The following AFF1 variants were observed in gnomAD, a reference collection of about 807,000 sequenced individuals.
The protein encoded by AFF1 is ALF transcription elongation factor 1.
Under a neutral mutation model 121.7 loss-of-function variants are expected in AFF1, and 48 were observed. That is an observed-to-expected ratio of 0.39 (90% CI 0.31 to 0.50). The LOEUF is 0.50. Ranked by LOEUF, AFF1 falls within the 20% of genes least tolerant of loss-of-function variation. The probability of loss-of-function intolerance (pLI) is 0.76; values close to 1 mark genes in which losing one functional copy is unlikely to be tolerated. For synonymous variants in AFF1, 613 were observed against 563.0 expected (o/e 1.09, Z -1.26); for missense variants, 1,523 against 1,511.7 (o/e 1.01, Z -0.12).
intron 12 of AFF1, among the ~76,000 whole-genome samples, chr4:87,121,972 A>G (rs970333630): frequency 6.6e-6 from 1 of 152,258 alleles, no homozygotes; most frequent in African/African-American, 2.4e-5. Flanking sequence ...CTATATGAAC[A>G]AAAATCAGCT....
intron 2 of AFF1, among the ~76,000 whole-genome samples, chr4:86,969,772 C>T (rs1467907919): frequency 2.0e-5 from 3 of 147,880 alleles, no homozygotes; most frequent in East Asian, 2.0e-4. Flanking sequence ...CCCAGCTACT[C>T]GGGAGGCTGA....
intron 8 of AFF1, among the ~76,000 whole-genome samples, chr4:87,100,963 C>T (rs1030870699): frequency 2.0e-5 from 3 of 152,184 alleles, no homozygotes; most frequent in Non-Finnish European, 4.4e-5. Context: ...AACTCCAGCA[C>T]CATTTTTATC....
At chr4:87,123,036 G>C (rs1235592231) in intron 12 of AFF1, among the ~76,000 whole-genome samples, 1 of 152,008 alleles carries the variant, frequency 6.6e-6, no homozygotes, top group South Asian at 2.1e-4. Context: ...TGGGACTACA[G>C]GCACGCACCA....
Position 86,948,571 on chromosome 4 carries a change from G to C in AFF1, c.38G>C (p.Ser13Thr), listed in dbSNP as rs1721032639. 1.3e-6 allele frequency: 2 copies of C among 1,536,314 alleles called. No individual in the cohort carries two copies. Among genetic ancestry groups the C allele is most frequent in the Admixed American group, 2.0e-5 (1 of 50,992 alleles). ...FTERVNSSGN[S>T]LYNDDRNLLR... is the part of the protein sequence containing the mutation. ...GAAAGAGTCAACAGCAGTGGCAACA[G>C]GTAAGCATAGAATCTATGATTCAAA... Residue 13 changes from serine (S) to threonine (T), a missense_variant and splice_region_variant, in exon 2 of 21, where the codon AGT (serine) becomes ACT (threonine). Transcript: ENST00000395146.
intron 12 of AFF1, among the ~76,000 whole-genome samples, chr4:87,117,534 C>A (rs1203794075): frequency 6.6e-6 from 1 of 152,178 alleles, no homozygotes; most frequent in Non-Finnish European, 1.5e-5. Flanking sequence ...TAGTGCCTAT[C>A]AGGGCTGGAA....
chr4:87,066,084 G>A (rs549209802), intron 4 of AFF1, among the ~76,000 whole-genome samples: 3 of 152,294 alleles, frequency 2.0e-5, no homozygotes, highest in South Asian at 2.1e-4. Flanking sequence ...CCAGAACAGG[G>A]CAGGGTTTCA....
chr4:87,085,210 A>G (rs1377703681), intron 5 of AFF1, among the ~76,000 whole-genome samples: 1 of 152,202 alleles, frequency 6.6e-6, no homozygotes, highest in Non-Finnish European at 1.5e-5. Flanking sequence ...AACTTTCCTC[A>G]TGAACTGGCA....
rs68156863 is a variant in AFF1 at position 87,012,217 on chromosome 4, C to CTTTTTTTTTTTTTTTTTTTTTTTTTTTT, written c.39-33947_39-33946insTTTTTTTTTTTTTTTTTTTTTTTTTTTT. ...GTTAGCAAACTTCTCCATTTCATTTCTTGTTTTTTTTTTTTTTTGTATAAC... is the reference window on the plus strand; with the variant it reads ...GTTAGCAAACTTCTCCATTTCATTTCTTTTTTTTTTTTTTTTTTTTTTTTTTTTTTGTTTTTTTTTTTTTTTGTATAAC... On this transcript the variant is annotated intron_variant, in intron 2 of 20. Transcript: ENST00000395146. Among the ~76,000 whole-genome samples the CTTTTTTTTTTTTTTTTTTTTTTTTTTTT allele has an allele frequency of 4.3e-5, 5 of 115,100 alleles. 2 individuals are homozygous for CTTTTTTTTTTTTTTTTTTTTTTTTTTTT. Among genetic ancestry groups the CTTTTTTTTTTTTTTTTTTTTTTTTTTTT allele is most frequent in the Non-Finnish European group, 3.7e-5 (2 of 54,242 alleles). The allele number at this position is 115,100 out of a possible 152,430, so 75.5% of individuals were successfully genotyped here.
At chr4:87,084,797 G>A (rs1416382784) in intron 5 of AFF1, among the ~76,000 whole-genome samples, 1 of 152,032 alleles carries the variant, frequency 6.6e-6, no homozygotes, top group Non-Finnish European at 1.5e-5. Context: ...GGCATCTCTC[G>A]TTAAGTTTTT....
At position 86,951,602 on chromosome 4, in the gene AFF1, CTT is replaced by C. The variant is rs1170666576; in HGVS notation, c.38+3035_38+3036del. ...GGGGGATGTTAGGGAACTTTTTTTT[CTT>C]TTTCTTTTTTCTTTTTTTCTTTTTT... On this transcript the variant is annotated intron_variant, in intron 2 of 20. Coordinates refer to ENST00000395146, the MANE Select transcript of AFF1 (RefSeq NM_001166693.3). Among the ~76,000 whole-genome samples the C allele has an allele frequency of 4.3e-5, 5 of 115,480 alleles. No homozygotes were observed. In the East Asian group the frequency reaches 1.1e-3, roughly 26 times the overall value. The allele number at this position is 115,480 out of a possible 152,430, so 75.8% of individuals were successfully genotyped here.
chr4:86,953,328 G>GA lies in AFF1; in HGVS notation c.38+4764dup, dbSNP rs1438588086. 1.1e-4 allele frequency among the ~76,000 whole-genome samples: 16 copies of GA among 152,046 alleles called. No individual in the cohort carries two copies. The East Asian group carries it at 1.9e-3, about 18-fold the overall frequency. ...AGGTATTTAATCTTTTATTTGCCCA[G>GA]AAAAAAACATTAAATTCATGTGGAA... On this transcript the variant is annotated intron_variant, in intron 2 of 20. Coordinates refer to ENST00000395146, the MANE Select transcript of AFF1 (RefSeq NM_001166693.3).
At chr4:87,001,368 C>T (rs908812673) in intron 2 of AFF1, among the ~76,000 whole-genome samples, 1 of 151,918 alleles carries the variant, frequency 6.6e-6, no homozygotes, top group Non-Finnish European at 1.5e-5. Flanking sequence ...AGGCGCTTGC[C>T]TCCACGCCTG....
At chr4:86,969,504 T>C (rs1222257727) in intron 2 of AFF1, among the ~76,000 whole-genome samples, 3 of 149,820 alleles carry the variant, frequency 2.0e-5, no homozygotes, top group Non-Finnish European at 4.4e-5. Context: ...CAAAAAACAG[T>C]TGAATCGGTT....
intron 4 of AFF1, among the ~76,000 whole-genome samples, chr4:87,051,829 A>AG (rs1336952337): frequency 6.6e-6 from 1 of 152,166 alleles, no homozygotes; most frequent in Non-Finnish European, 1.5e-5. Flanking sequence ...TTGATGATAC[A>AG]GCTGAGATCA....
intron 10 of AFF1, among the ~76,000 whole-genome samples, chr4:87,107,940 A>G (rs1726085775): frequency 6.6e-6 from 1 of 152,220 alleles, no homozygotes; most frequent in Non-Finnish European, 1.5e-5. Flanking sequence ...AAAATTTCAC[A>G]GGCTTCTCTT....
rs531615682 is a variant in AFF1 at position 87,065,204 on chromosome 4, C to T, written c.1059+17610C>T. ...TCCACATGGAAGCCTCACAGTCATG[C>T]GGAAGGCAAGGAGGAGCAGGTCACG... is the stretch of plus-strand genomic sequence containing the variant. On this transcript the variant is annotated intron_variant, in intron 4 of 20. Transcript: ENST00000395146. 1.3e-4 allele frequency among the ~76,000 whole-genome samples: 20 copies of T among 152,250 alleles called. No individual in the cohort carries two copies. In the East Asian group the frequency reaches 3.7e-3, roughly 28 times the overall value.
At chr4:87,006,999 T>A (rs1726200128) in intron 2 of AFF1, 5 of 1,087,416 alleles carry the variant, frequency 4.6e-6, no homozygotes, top group Non-Finnish European at 5.6e-6. Context: ...GCAATTTCTT[T>A]TCCTTTCTAA....
At chr4:86,948,284 A>T (rs1450046854) in intron 1 of AFF1, among the ~76,000 whole-genome samples, 1 of 152,090 alleles carries the variant, frequency 6.6e-6, no homozygotes, top group African/African-American at 2.4e-5. Flanking sequence ...TCTTGCTGAA[A>T]TGGCTTTGAG....
chr4:86,972,077 C>G (rs6853011), intron 2 of AFF1, among the ~76,000 whole-genome samples: 140,363 of 148,722 alleles, frequency 0.94, 66,650 homozygotes, highest in Non-Finnish European at 1. Context: ...GGTCGAGGCT[C>G]CTGTGAGCTG....
Sources: gnomAD v4.1 joint callset for allele counts (sites outside exome capture counted in the v4.1 genomes callset) on GRCh38, gnomAD v4.1.1 for gene constraint, MANE v1.5 for transcripts, NCBI Gene and HGNC (gene_info 2026-07-23, HGNC 2026-07-21) for gene names.